The following NEXN variants were observed in gnomAD, a reference collection of about 807,000 sequenced individuals.
The protein encoded by NEXN is nexilin F-actin binding protein, also known as nexilin.
NEXN carries 65 observed loss-of-function variants against 92.6 expected under a neutral mutation model. The observed-to-expected ratio is 0.70, with a 90% CI of 0.57 to 0.86. NEXN has a LOEUF of 0.86. Among genes scored for constraint, NEXN ranks in the 40% least tolerant of loss-of-function variants. NEXN has a pLI of 0.00. For missense variants in NEXN, 778 were observed against 771.1 expected (o/e 1.01, Z -0.11); for synonymous variants, 254 against 242.5 (o/e 1.05, Z -0.44).
intron 11 of NEXN, 147 bp downstream of exon 11, chr1:77,936,191 G>T: frequency 1.6e-6 from 1 of 637,766 alleles, no homozygotes; most frequent in South Asian, 2.0e-5. Context: ...CAAAACACAT[G>T]TAGATCTTAG....
intron 1 of NEXN, among the ~76,000 whole-genome samples, chr1:77,897,557 T>C (rs1647332335): frequency 6.6e-6 from 1 of 152,084 alleles, no homozygotes. Context: ...AATATCATAC[T>C]GAATGGACAA....
chr1:77,902,754 T>A (rs1467631624), intron 1 of NEXN, among the ~76,000 whole-genome samples: 1 of 152,124 alleles, frequency 6.6e-6, no homozygotes, highest in Admixed American at 6.6e-5. Flanking sequence ...GTCTGAGATG[T>A]TTACCAATAT....
chr1:77,918,371 T>C (rs1649152993), intron 5 of NEXN, 98 bp downstream of exon 5: 1 of 1,341,854 alleles, frequency 7.5e-7, no homozygotes. Flanking sequence ...TAATGTAACA[T>C]AAACCTATTA....
chr1:77,904,365 TATG>T (rs1489446785), intron 1 of NEXN, among the ~76,000 whole-genome samples: 1 of 152,238 alleles, frequency 6.6e-6, no homozygotes, highest in African/African-American at 2.4e-5. Flanking sequence ...ATATTTAATG[TATG>T]ATATTTGGCA....
intron 1 of NEXN, among the ~76,000 whole-genome samples, chr1:77,895,673 G>A (rs958194711): frequency 3.3e-5 from 5 of 152,084 alleles, no homozygotes; most frequent in African/African-American, 9.7e-5. Context: ...AGATCAGTCT[G>A]GTCAACATGG....
intron 6 of NEXN, 48 bp downstream of exon 6, chr1:77,925,277 T>A: frequency 2.3e-6 from 3 of 1,289,936 alleles, no homozygotes; most frequent in Non-Finnish European, 3.4e-6. Context: ...AATTATCTGA[T>A]TCACAAATTA....
At chr1:77,926,917 C>T in intron 8 of NEXN, 25 bp downstream of exon 8, 1 of 1,613,032 alleles carries the variant, frequency 6.2e-7, no homozygotes, top group African/African-American at 1.3e-5. Flanking sequence ...TTAAACCTTA[C>T]AATTAATATT....
At chr1:77,891,519 C>T (rs1647104316) in intron 1 of NEXN, among the ~76,000 whole-genome samples, 1 of 151,814 alleles carries the variant, frequency 6.6e-6, no homozygotes, top group South Asian at 2.1e-4. Flanking sequence ...GATTGGGGCT[C>T]CCTATATGAG....
At position 77,942,542 on chromosome 1, in the gene NEXN, G is replaced by A; in HGVS notation, c.1741G>A (p.Ala581Thr). The change falls in exon 13 of 13, where the codon GCT becomes ACT. Residue 581 changes from alanine (A) to threonine (T), a missense_variant. Transcript: ENST00000334785. Reference sequence around the variant, plus strand: ...AGATGAAGAGCAAACCAGATCAGGAGCTCCATGGTTCAAGAAGCCTCTTAA... The same window carrying A: ...AGATGAAGAGCAAACCAGATCAGGAACTCCATGGTTCAAGAAGCCTCTTAA... ...AEDEEQTRSG[A>T]PWFKKPLKNT... is the part of the protein sequence containing the mutation. 1 of 1,613,916 alleles carries A rather than the reference G, an allele frequency of 6.2e-7. No homozygotes were observed. The highest frequency in any genetic ancestry group is 2.2e-5 in the East Asian group (1 of 44,874).
chr1:77,896,013 T>A (rs1209075527), intron 1 of NEXN, among the ~76,000 whole-genome samples: 1 of 150,444 alleles, frequency 6.6e-6, no homozygotes, highest in Admixed American at 6.6e-5. Flanking sequence ...CTGTCTGTAC[T>A]AAAAAAAATT....
intron 1 of NEXN, among the ~76,000 whole-genome samples, chr1:77,900,508 C>T (rs1647615131): frequency 6.6e-6 from 1 of 152,180 alleles, no homozygotes. Context: ...TTTTGGCATA[C>T]AGCAGATTCT....
intron 11 of NEXN, among the ~76,000 whole-genome samples, chr1:77,937,815 T>G (rs1288625255): frequency 6.6e-6 from 1 of 152,190 alleles, no homozygotes; most frequent in Non-Finnish European, 1.5e-5. Context: ...TAGAATCTAA[T>G]GGATGGGTTG....
chr1:77,942,281 T>G, intron 12 of NEXN, 73 bp downstream of exon 12: 1 of 1,514,194 alleles, frequency 6.6e-7, no homozygotes, highest in East Asian at 2.3e-5. Context: ...TTAGGTAGGT[T>G]AAAAAAATGT....
Position 77,926,152 on chromosome 1 carries a change from G to T in NEXN, c.490-262G>T, listed in dbSNP as rs79517624. Among the ~76,000 whole-genome samples the T allele has an allele frequency of 9.6e-4, 146 of 152,174 alleles. 1 individual carries two copies. The highest frequency in any genetic ancestry group is 3.4e-3 in the African/African-American group (143 of 41,530). ...ATTCAGGCAATGTCACTGCAGTTTC[G>T]TTATCCAAACAGCTGTATTAACTCC... is the stretch of plus-strand genomic sequence containing the variant. On this transcript the variant is annotated intron_variant, in intron 6 of 12. Transcript: ENST00000334785.
At chr1:77,892,022 G>A (rs1647120240) in intron 1 of NEXN, among the ~76,000 whole-genome samples, 1 of 151,904 alleles carries the variant, frequency 6.6e-6, no homozygotes, top group Non-Finnish European at 1.5e-5. Flanking sequence ...GGCTGAGGCT[G>A]CAGTGCACCG....
At chr1:77,915,137 G>A (rs1410465662) in intron 1 of NEXN, among the ~76,000 whole-genome samples, 1 of 151,524 alleles carries the variant, frequency 6.6e-6, no homozygotes. Context: ...AACACAGTGA[G>A]ACCCCATTTC....
chr1:77,921,860 G>A (rs139912362), intron 5 of NEXN, among the ~76,000 whole-genome samples: 2,255 of 152,138 alleles, frequency 0.015, 44 homozygotes, highest in African/African-American at 0.051. Flanking sequence ...GTTGCAGTGA[G>A]CCAAGATTGC....
At chr1:77,913,320 C>T (rs1249460861) in intron 1 of NEXN, among the ~76,000 whole-genome samples, 1 of 151,562 alleles carries the variant, frequency 6.6e-6, no homozygotes, top group Admixed American at 6.6e-5. Flanking sequence ...GAGGCTGAGA[C>T]AGGAGAATTG....
At chr1:77,907,551 A>G (rs1334748149) in intron 1 of NEXN, among the ~76,000 whole-genome samples, 1 of 152,228 alleles carries the variant, frequency 6.6e-6, no homozygotes, top group African/African-American at 2.4e-5. Flanking sequence ...TATTTTAACC[A>G]AAAAAGTTAA....
Sources: allele counts gnomAD v4.1 joint callset (sites outside exome capture counted in the v4.1 genomes callset), GRCh38; gene constraint gnomAD v4.1.1; transcripts MANE v1.5; gene names NCBI Gene and HGNC (gene_info 2026-07-23, HGNC 2026-07-21).